UGT2B17: variants seen among roughly 807,000 people sequenced by gnomAD.
UGT2B17 encodes UDP glucuronosyltransferase family 2 member B17.
UGT2B17 carries 21 observed loss-of-function variants against 48.2 expected under a neutral mutation model. That is an observed-to-expected ratio of 0.44 (90% CI 0.31 to 0.63). The LOEUF (loss-of-function observed/expected upper bound fraction) is 0.63. Ranked by LOEUF, UGT2B17 falls within the 20% of genes least tolerant of loss-of-function variation. UGT2B17 has a pLI of 0.08. For synonymous variants in UGT2B17, 146 were observed against 238.4 expected, an observed-to-expected ratio of 0.61 and a Z score of 3.57; for missense variants, 402 against 696.1, an observed-to-expected ratio of 0.58 and a Z score of 4.75.
At position 68,545,468 on chromosome 4, in the gene UGT2B17, A is replaced by G. The variant is rs1441130507; in HGVS notation, c.1313+5209T>C. Among the ~76,000 whole-genome samples, 9 of 125,784 alleles carry G rather than the reference A, an allele frequency of 7.2e-5. 1 individual carries two copies. Among genetic ancestry groups the G allele is most frequent in the Non-Finnish European group, 1.0e-4 (6 of 59,570 alleles). 82.5% of individuals were successfully genotyped at this position (125,784 alleles called of 152,430 possible). A position where few individuals can be genotyped will look rare whatever the true frequency, so the allele number is the denominator to read the frequency against. Reference sequence around the variant, plus strand: ...ATAGCACTAAATGCCCACAAGAGAAAGCAGGAAACATCTAAAATTGACACC... The same window carrying G: ...ATAGCACTAAATGCCCACAAGAGAAGGCAGGAAACATCTAAAATTGACACC... On this transcript the variant is annotated intron_variant, in intron 6 of 6. Transcript: ENST00000317746.
intron 5 of UGT2B17, 73 bp downstream of exon 5, chr4:68,551,751 T>C: frequency 1.0e-6 from 1 of 991,364 alleles, no homozygotes; most frequent in Non-Finnish European, 1.3e-6. Flanking sequence ...AATATGTTTG[T>C]TTTATGTTGA....
chr4:68,541,456 T>A (rs1257248130), intron 6 of UGT2B17, among the ~76,000 whole-genome samples: 1 of 126,796 alleles, frequency 7.9e-6, no homozygotes, highest in Admixed American at 8.1e-5. Context: ...TTTTGAGAAG[T>A]GTCTGTTTAT....
rs1279026483 is a variant in UGT2B17 at position 68,554,828 on chromosome 4, T to C, written c.1006-2917A>G. Among the ~76,000 whole-genome samples, 2 of 125,694 alleles carry C rather than the reference T, an allele frequency of 1.6e-5. 1 individual carries two copies. The highest frequency in any genetic ancestry group is 1.6e-4 in the Admixed American group (2 of 12,210). 82.5% of individuals were successfully genotyped at this position (125,694 alleles called of 152,430 possible). A position where few individuals can be genotyped will look rare whatever the true frequency, so the allele number is the denominator to read the frequency against. ...TGATCAAGTATTCATACAGATTACC[T>C]ATTGAAACAGGTTATCAAGAATTTG... On this transcript the variant is annotated intron_variant, in intron 4 of 6. Transcript: ENST00000317746.
chr4:68,569,548 A>G (rs1484410967), intron 1 of UGT2B17, among the ~76,000 whole-genome samples: 3 of 125,104 alleles, frequency 2.4e-5, no homozygotes, highest in African/African-American at 8.2e-5. Flanking sequence ...AGGGGGTTCA[A>G]AGATTCTTCT....
intron 6 of UGT2B17, among the ~76,000 whole-genome samples, chr4:68,542,937 G>A (rs1326686078): frequency 6.3e-5 from 8 of 126,542 alleles, no homozygotes; most frequent in African/African-American, 1.9e-4. Context: ...TAAACAAAGC[G>A]GCCCAGAAGC....
intron 1 of UGT2B17, among the ~76,000 whole-genome samples, chr4:68,572,176 A>T (rs1731305516): frequency 7.9e-6 from 1 of 126,004 alleles, no homozygotes; most frequent in Non-Finnish European, 1.7e-5. Flanking sequence ...TTACTGTGTA[A>T]CTTTCTTTTT....
rs900942318 is a variant in UGT2B17, at chr4:68,555,433, T to C, written c.1006-3522A>G. ...TAAGCTTTGTTTTGGGAAAAGACTG[T>C]TATCATTTTTATTTCAAAGCTAAAC... On this transcript the variant is annotated intron_variant, in intron 4 of 6. Coordinates refer to ENST00000317746, the MANE Select transcript of UGT2B17 (RefSeq NM_001077.4). 1.6e-5 allele frequency among the ~76,000 whole-genome samples: 2 copies of C among 126,432 alleles called. 1 individual carries two copies. The highest frequency in any genetic ancestry group is 3.4e-5 in the Non-Finnish European group (2 of 59,442). 82.9% of individuals were successfully genotyped at this position (126,432 alleles called of 152,430 possible).
chr4:68,565,524 T>C lies in UGT2B17; in HGVS notation c.873+48A>G, dbSNP rs1731181513. ...ACTCTGAAAGAAACATATCCAGCCA[T>C]TCCTTCTGAAAATGTCAAGCAAACA... On this transcript the variant is annotated intron_variant, in intron 3 of 6. Transcript: ENST00000317746. The C allele has an allele frequency of 4.6e-6, 6 of 1,309,364 alleles. 2 individuals are homozygous for C. The highest frequency in any genetic ancestry group is 5.9e-6 in the Non-Finnish European group (6 of 1,011,454). 81.1% of individuals were successfully genotyped at this position (1,309,364 alleles called of 1,614,324 possible).
chr4:68,554,379 A>G (rs1385778349), intron 4 of UGT2B17, among the ~76,000 whole-genome samples: 1 of 126,342 alleles, frequency 7.9e-6, no homozygotes, highest in Non-Finnish European at 1.7e-5. Flanking sequence ...GTGCACATAT[A>G]CATTAAGAGC....
intron 4 of UGT2B17, among the ~76,000 whole-genome samples, chr4:68,552,201 G>C (rs1347115974): frequency 7.9e-6 from 1 of 126,214 alleles, no homozygotes; most frequent in African/African-American, 2.7e-5. Context: ...CAAAATCTAT[G>C]CTAAAGGGAA....
rs773065622 is a variant in UGT2B17 at position 68,539,300 on chromosome 4, G to A, written c.1314-1396C>T. Among the ~76,000 whole-genome samples the A allele has an allele frequency of 4.5e-4, 56 of 125,056 alleles. 13 individuals carry two copies. The highest frequency in any genetic ancestry group is 7.6e-4 in the Non-Finnish European group (45 of 59,300). The allele number at this position is 125,056 out of a possible 152,430, so 82.0% of individuals were successfully genotyped here. A position where few individuals can be genotyped will look rare whatever the true frequency, so the allele number is the denominator to read the frequency against. On this transcript the variant is annotated intron_variant, in intron 6 of 6. Transcript: ENST00000317746. ...CCTGAATTCTAATATCATAGATTAT[G>A]TTTATATAATTGAATTAAATAATAC...
chr4:68,551,806 T>C lies in UGT2B17; in HGVS notation c.1093+18A>G, dbSNP rs1365196637. The C allele has an allele frequency of 7.9e-7, 1 of 1,272,692 alleles. No homozygotes were observed. The highest frequency in any genetic ancestry group is 1.5e-5 in the African/African-American group (1 of 65,702). 78.8% of individuals were successfully genotyped at this position (1,272,692 alleles called of 1,614,324 possible). A position where few individuals can be genotyped will look rare whatever the true frequency, so the allele number is the denominator to read the frequency against. On this transcript the variant is annotated intron_variant, in intron 5 of 6. Coordinates refer to ENST00000317746, the MANE Select transcript of UGT2B17 (RefSeq NM_001077.4). ...GGCTGTTACTAATATATTCAGTATT[T>C]GTTCTCCAGAGTCTTACCAAGAAGG... is the stretch of plus-strand genomic sequence containing the variant.
chr4:68,563,139 T>C lies in UGT2B17; in HGVS notation c.873+2433A>G, dbSNP rs1172555442. ...ATAACTATATGCAGTTTTCAAACAC[T>C]TGATACTTTTTGGCAAGAGTCTTAT... On this transcript the variant is annotated intron_variant, in intron 3 of 6. Transcript: ENST00000317746. 1.6e-5 allele frequency among the ~76,000 whole-genome samples: 2 copies of C among 127,468 alleles called. 1 individual carries two copies. Among genetic ancestry groups the C allele is most frequent in the East Asian group, 1.5e-3 (2 of 1,356 alleles). The allele number at this position is 127,468 out of a possible 152,430, so 83.6% of individuals were successfully genotyped here. A position where few individuals can be genotyped will look rare whatever the true frequency, so the allele number is the denominator to read the frequency against.
rs1731043776 is a variant in UGT2B17 at position 68,558,451 on chromosome 4, G to T, written c.1005+2086C>A. On this transcript the variant is annotated intron_variant, in intron 4 of 6. Coordinates refer to ENST00000317746, the MANE Select transcript of UGT2B17 (RefSeq NM_001077.4). ...ATTAAGCTAGACAACTTAAACTCCA[G>T]AAGAAAATAACAGCAACCAATTTAC... Among the ~76,000 whole-genome samples, 2 of 126,134 alleles carry T rather than the reference G, an allele frequency of 1.6e-5. 1 individual carries two copies. The highest frequency in any genetic ancestry group is 3.4e-5 in the Non-Finnish European group (2 of 59,372). 82.7% of individuals were successfully genotyped at this position (126,134 alleles called of 152,430 possible).
chr4:68,546,272 T>C (rs1444517919), intron 6 of UGT2B17, among the ~76,000 whole-genome samples: 1 of 126,302 alleles, frequency 7.9e-6, no homozygotes, highest in African/African-American at 2.7e-5. Flanking sequence ...TAGTTCAACG[T>C]ACACAAATCA....
In UGT2B17 at chr4:68,546,045, A is replaced by G. The variant is rs1487250680; in HGVS notation, c.1313+4632T>C. On this transcript the variant is annotated intron_variant, in intron 6 of 6. Coordinates refer to ENST00000317746, the MANE Select transcript of UGT2B17 (RefSeq NM_001077.4). ...TCTGAAACTATTCCAATCAACAGAA[A>G]AAGAGGGAATCCTCCCTAACTCATT... Among the ~76,000 whole-genome samples the G allele has an allele frequency of 1.6e-5, 2 of 126,504 alleles. 1 individual carries two copies. Among genetic ancestry groups the G allele is most frequent in the Non-Finnish European group, 3.4e-5 (2 of 59,614 alleles). 83.0% of individuals were successfully genotyped at this position (126,504 alleles called of 152,430 possible). A position where few individuals can be genotyped will look rare whatever the true frequency, so the allele number is the denominator to read the frequency against.
intron 2 of UGT2B17, among the ~76,000 whole-genome samples, chr4:68,566,492 G>T (rs1176209465): frequency 8.0e-6 from 1 of 125,116 alleles, no homozygotes; most frequent in Non-Finnish European, 1.7e-5. Flanking sequence ...CCTCCATGCT[G>T]TTCTCATGAT....
intron 6 of UGT2B17, among the ~76,000 whole-genome samples, chr4:68,544,756 C>G (rs1730759703): frequency 8.0e-6 from 1 of 125,070 alleles, no homozygotes; most frequent in African/African-American, 2.7e-5. Flanking sequence ...GAAGATCTAC[C>G]AAGCAAATGG....
intron 6 of UGT2B17, among the ~76,000 whole-genome samples, chr4:68,549,004 TC>T (rs1560576494): frequency 8.0e-6 from 1 of 125,634 alleles, no homozygotes; most frequent in African/African-American, 2.7e-5. Flanking sequence ...TATTTCTTTT[TC>T]TTGCCTGATT....
Sources: gnomAD v4.1 joint callset for allele counts (sites outside exome capture counted in the v4.1 genomes callset) on GRCh38, gnomAD v4.1.1 for gene constraint, MANE v1.5 for transcripts, NCBI Gene and HGNC (gene_info 2026-07-23, HGNC 2026-07-21) for gene names.